ERFE: variants seen among roughly 807,000 people sequenced by gnomAD.
The protein encoded by ERFE is complement C1q tumor necrosis factor-related protein 15.
In ERFE, 25 loss-of-function variants were observed where a neutral mutation model predicts 26.6. The ratio of observed to expected loss-of-function variants is 0.94; its 90% CI spans 0.69 to 1.31. ERFE has a LOEUF of 1.31. Ranked by LOEUF, ERFE falls within the 40% of genes most tolerant of loss-of-function variation. The probability of loss-of-function intolerance (pLI) is 0.00; values close to 1 mark genes in which losing one functional copy is unlikely to be tolerated. For missense variants in ERFE, 447 were observed against 440.2 expected, an observed-to-expected ratio of 1.02 and a Z score of -0.14; for synonymous variants, 206 against 204.5, an observed-to-expected ratio of 1.01 and a Z score of -0.06.
rs1366513133 is a variant in ERFE at position 238,163,945 on chromosome 2, C to G, written c.633C>G (p.Arg211=). 5 of 1,374,516 alleles carry G rather than the reference C, an allele frequency of 3.6e-6. No homozygotes were observed. The highest frequency in any genetic ancestry group is 4.7e-6 in the Non-Finnish European group (5 of 1,070,860). 85.1% of individuals were successfully genotyped at this position (1,374,516 alleles called of 1,614,324 possible). Residue 211 remains arginine, a synonymous_variant, in exon 4 of 8, where the codon CGC becomes CGG. Coordinates refer to ENST00000546354, the MANE Select transcript of ERFE (RefSeq NM_001291832.2). ...RVEAAFLCRL[R]RDALVERRAL... is the part of the protein sequence containing the mutation. The stretch of plus-strand genomic sequence containing the variant: ...AGGCCGCTTTCCTCTGCCGCCTGCG[C>G]CGGGACGCGTTGGTGGAGCGGCGCG...
Position 238,162,734 on chromosome 2 carries a change from A to T in ERFE, c.322-2A>T. 5 of 1,539,764 alleles carry T rather than the reference A, an allele frequency of 3.2e-6. No homozygotes were observed. Among genetic ancestry groups the T allele is most frequent in the Non-Finnish European group, 4.4e-6 (5 of 1,137,138 alleles). ...GTCCTCACTGCCAAGGTTCCCTTTC[A>T]GTTCGGCTTGCCAGGGCCCCCTGGG... On this transcript the variant is annotated splice_acceptor_variant, in intron 2 of 7. Transcript: ENST00000546354. LOFTEE classifies it high-confidence loss of function.
At chr2:238,161,862 A>G in intron 2 of ERFE, 146 bp downstream of exon 2, 1 of 1,233,334 alleles carries the variant, frequency 8.1e-7, no homozygotes, top group Non-Finnish European at 1.1e-6. Context: ...GAACCCAGGC[A>G]GCCCCAGGGG....
At position 238,167,020 on chromosome 2, in the gene ERFE, G is replaced by A. The variant is rs1293366748; in HGVS notation, c.1031G>A (p.Gly344Asp). The A allele has an allele frequency of 1.9e-6, 3 of 1,550,506 alleles. No individual in the cohort carries two copies. Among genetic ancestry groups the A allele is most frequent in the Non-Finnish European group, 2.6e-6 (3 of 1,147,000 alleles). The change falls in exon 8 of 8, where the codon GGC becomes GAC. Residue 344 changes from glycine to aspartate, a missense_variant. Physicochemically the swap from Gly to Asp is moderately conservative, Grantham distance 94 (BLOSUM62 -1). Coordinates refer to ENST00000546354, the MANE Select transcript of ERFE (RefSeq NM_001291832.2). ...ASGCSLTVRS[G>D]SHFSAVLLGV is the part of the protein sequence containing the mutation. The stretch of plus-strand genomic sequence containing the variant: ...GGCTGCTCCCTCACAGTGCGCAGTG[G>A]CTCCCACTTCAGTGCTGTCCTCCTG...
At position 238,168,281 on chromosome 2, in the gene ERFE, G is replaced by A; in HGVS notation, c.*1227G>A. On this transcript the variant is annotated 3_prime_UTR_variant, in exon 8 of 8. Coordinates refer to ENST00000546354, the MANE Select transcript of ERFE (RefSeq NM_001291832.2). ...CAAAGTACAGGACTGTCCCAGAGTA[G>A]GTAGTGAAGAGGACAAGGCCCTCGG... 1 of 411,614 alleles carries A rather than the reference G, an allele frequency of 2.4e-6. No individual in the cohort carries two copies. Among genetic ancestry groups the A allele is most frequent in the Non-Finnish European group, 5.0e-6 (1 of 201,720 alleles). The allele number at this position is 411,614 out of a possible 1,614,324, so 25.5% of individuals were successfully genotyped here.
At chr2:238,160,937 C>T (rs916467745) in intron 1 of ERFE, among the ~76,000 whole-genome samples, 12 of 152,298 alleles carry the variant, frequency 7.9e-5, no homozygotes, top group African/African-American at 2.6e-4. Flanking sequence ...GGATGCAGCG[C>T]GGACAGGAAT....
chr2:238,163,889 C>G lies in ERFE; in HGVS notation c.577C>G (p.Leu193Val). The change falls in exon 4 of 8, where the codon CTG becomes GTG. Residue 193 changes from leucine (L) to valine (V), a missense_variant. Leu to Val is a conservative substitution (Grantham distance 32). Transcript: ENST00000546354. ...GDVLALLAAP[L>V]APGPRAPRVE... ...CGTGCTGGCACTGCTGGCCGCGCCC[C>G]TGGCCCCGGGGCCGCGGGCGCCGCG... 7.6e-7 allele frequency: 1 copy of G among 1,318,148 alleles called. No homozygotes were observed. The highest frequency in any genetic ancestry group is 9.6e-7 in the Non-Finnish European group (1 of 1,042,584). The allele number at this position is 1,318,148 out of a possible 1,614,324, so 81.7% of individuals were successfully genotyped here.
Position 238,163,790 on chromosome 2 carries a change from G to C in ERFE, c.478G>C (p.Ala160Pro). ...AEPEPCTCGPAGPVAASLAPV... is the reference protein window; with the variant it reads ...AEPEPCTCGPPGPVAASLAPV... ...GCCCGAACCCTGTACGTGTGGCCCC[G>C]CCGGGCCGGTCGCTGCGAGCCTCGC... is the stretch of plus-strand genomic sequence containing the variant. Residue 160 changes from alanine (A) to proline (P), a missense_variant, in exon 4 of 8, where the codon GCC (alanine) becomes CCC (proline). Physicochemically the swap from Ala to Pro is conservative, Grantham distance 27. Coordinates refer to ENST00000546354, the MANE Select transcript of ERFE (RefSeq NM_001291832.2). The C allele has an allele frequency of 1.5e-6, 2 of 1,355,814 alleles. No homozygotes were observed. Among genetic ancestry groups the C allele is most frequent in the South Asian group, 1.8e-5 (1 of 54,658 alleles). The allele number at this position is 1,355,814 out of a possible 1,614,324, so 84.0% of individuals were successfully genotyped here. A position where few individuals can be genotyped will look rare whatever the true frequency, so the allele number is the denominator to read the frequency against.
chr2:238,163,761 C>A lies in ERFE; in HGVS notation c.449C>A (p.Ala150Glu). 1.5e-6 allele frequency: 2 copies of A among 1,353,106 alleles called. No homozygotes were observed. Among genetic ancestry groups the A allele is most frequent in the Admixed American group, 3.6e-5 (1 of 27,698 alleles). The allele number at this position is 1,353,106 out of a possible 1,614,324, so 83.8% of individuals were successfully genotyped here. A position where few individuals can be genotyped will look rare whatever the true frequency, so the allele number is the denominator to read the frequency against. Residue 150 changes from alanine (A) to glutamate (E), a missense_variant, in exon 4 of 8, where the codon GCG (alanine) becomes GAG (glutamate). By Grantham distance (107) the Ala-to-Glu change is moderately radical (BLOSUM62 -1). Transcript: ENST00000546354. Reference sequence around the variant, plus strand: ...GGTGCGGTGCGGCAGCGGGAGCGCGCGGAGCCCGAACCCTGTACGTGTGGC... The same window carrying A: ...GGTGCGGTGCGGCAGCGGGAGCGCGAGGAGCCCGAACCCTGTACGTGTGGC... The part of the protein sequence containing the change: ...LKGAVRQRER[A>E]EPEPCTCGPA...
intron 6 of ERFE, 50 bp from the exon 7 acceptor site, chr2:238,165,556 T>C: frequency 4.1e-6 from 6 of 1,457,494 alleles, no homozygotes; most frequent in Non-Finnish European, 5.6e-6. Context: ...GTAGGTGAAG[T>C]TGGTGGGGTC....
At chr2:238,159,882 G>A (rs926815822) in intron 1 of ERFE, among the ~76,000 whole-genome samples, 2 of 152,212 alleles carry the variant, frequency 1.3e-5, no homozygotes, top group East Asian at 1.9e-4. Context: ...CAGGGAAGCC[G>A]GGGTGGGCGG....
chr2:238,162,880 AGCAGG>A, intron 3 of ERFE, 42 bp downstream of exon 3: 1 of 1,483,840 alleles, frequency 6.7e-7, no homozygotes, highest in Admixed American at 2.1e-5. Flanking sequence ...CCCCGCTGTG[AGCAGG>A]GCCTGGGAGG....
chr2:238,164,673 T>G, intron 6 of ERFE: 1 of 354,868 alleles, frequency 2.8e-6, no homozygotes, highest in Non-Finnish European at 5.2e-6. Flanking sequence ...GCTAACATGG[T>G]GAAACCCCGT....
At chr2:238,165,541 G>A in intron 6 of ERFE, 65 bp from the exon 7 acceptor site, 7 of 1,350,918 alleles carry the variant, frequency 5.2e-6, no homozygotes, top group Non-Finnish European at 7.2e-6. Context: ...GCAGGATTGT[G>A]TGTCGTAGGT....
chr2:238,160,065 T>C (rs1692914961), intron 1 of ERFE, among the ~76,000 whole-genome samples: 1 of 152,178 alleles, frequency 6.6e-6, no homozygotes, highest in Non-Finnish European at 1.5e-5. Context: ...CCCCGTGCAG[T>C]TGGCCAAACC....
Position 238,164,105 on chromosome 2 carries a change from C to A in ERFE, c.718C>A (p.Pro240Thr). The stretch of plus-strand genomic sequence containing the variant: ...CGCCGAGGGTGCCTTCCGCCGCGGC[C>A]CGGGCCTGAACTTGACCAGCGGCCA... ...PDAEGAFRRG[P>T]GLNLTSGQYR... The change falls in exon 5 of 8, where the codon CCG (proline) becomes ACG (threonine). Residue 240 changes from proline (P) to threonine (T), a missense_variant. By Grantham distance (38) the Pro-to-Thr change is conservative. Coordinates refer to ENST00000546354, the MANE Select transcript of ERFE (RefSeq NM_001291832.2). 6.9e-7 allele frequency: 1 copy of A among 1,439,928 alleles called. No homozygotes were observed. The highest frequency in any genetic ancestry group is 9.1e-7 in the Non-Finnish European group (1 of 1,099,824). 89.2% of individuals were successfully genotyped at this position (1,439,928 alleles called of 1,614,324 possible). A position where few individuals can be genotyped will look rare whatever the true frequency, so the allele number is the denominator to read the frequency against.
At position 238,167,374 on chromosome 2, in the gene ERFE, C is replaced by T. The variant is rs1356121517; in HGVS notation, c.*320C>T. The stretch of plus-strand genomic sequence containing the variant: ...TCTTTCCTGGCCTGCTCAGCACCTG[C>T]CCAGATGGCCTCTGCGTCTTTCCTG... On this transcript the variant is annotated 3_prime_UTR_variant, in exon 8 of 8. Transcript: ENST00000546354. The T allele has an allele frequency of 1.6e-6, 1 of 609,896 alleles. No individual in the cohort carries two copies. The highest frequency in any genetic ancestry group is 3.1e-6 in the Non-Finnish European group (1 of 325,866). The allele number at this position is 609,896 out of a possible 1,614,324, so 37.8% of individuals were successfully genotyped here.
chr2:238,161,610 G>C lies in ERFE; in HGVS notation c.215G>C (p.Arg72Pro). 2 of 1,541,808 alleles carry C rather than the reference G, an allele frequency of 1.3e-6. No homozygotes were observed. The highest frequency in any genetic ancestry group is 1.8e-6 in the Non-Finnish European group (2 of 1,140,184). Residue 72 changes from arginine (R) to proline (P), a missense_variant, in exon 2 of 8, where the codon CGT becomes CCT. Physicochemically the swap from Arg to Pro is moderately radical, Grantham distance 103. Transcript: ENST00000546354. Reference sequence around the variant, plus strand: ...GTGTTCCAGGAGCCCACCGCTGAGCGTGCACACAGCGTCGACCCCCGGGAC... The same window carrying C: ...GTGTTCCAGGAGCCCACCGCTGAGCCTGCACACAGCGTCGACCCCCGGGAC... ...AARPPEPTAE[R>P]AHSVDPRDAW...
At chr2:238,165,538 T>A (rs1693020347) in intron 6 of ERFE, 68 bp from the exon 7 acceptor site, 1 of 1,327,162 alleles carries the variant, frequency 7.5e-7, no homozygotes, top group African/African-American at 1.5e-5. Flanking sequence ...CTGGCAGGAT[T>A]GTGTGTCGTA....
In ERFE at chr2:238,164,349, C is replaced by G. The variant is rs912932014; in HGVS notation, c.876C>G (p.Cys292Trp). ...LRLLICIQSR[C>W]QRNASLEAIM... ...TGCTCATCTGCATCCAGTCCCGGTGCCAGCGCAACGCGTGAGTGTACCCCG... is the reference window on the plus strand; with the variant it reads ...TGCTCATCTGCATCCAGTCCCGGTGGCAGCGCAACGCGTGAGTGTACCCCG... Residue 292 changes from cysteine to tryptophan, a missense_variant, in exon 6 of 8, where the codon TGC becomes TGG. Physicochemically the swap from Cys to Trp is radical, Grantham distance 215. Transcript: ENST00000546354. 1 of 1,541,948 alleles carries G rather than the reference C, an allele frequency of 6.5e-7. No individual in the cohort carries two copies. Among genetic ancestry groups the G allele is most frequent in the African/African-American group, 1.4e-5 (1 of 72,484 alleles).
Sources: allele counts gnomAD v4.1 joint callset (sites outside exome capture counted in the v4.1 genomes callset), GRCh38; gene constraint gnomAD v4.1.1; transcripts MANE v1.5; gene names NCBI Gene and HGNC (gene_info 2026-07-23, HGNC 2026-07-21).